PACRG: variants seen among roughly 807,000 people sequenced by gnomAD.
PACRG encodes parkin coregulated gene protein.
Under a neutral mutation model 29.7 loss-of-function variants are expected in PACRG, and 29 were observed. That is an observed-to-expected ratio of 0.98 (90% CI 0.73 to 1.33). The LOEUF (loss-of-function observed/expected upper bound fraction) is 1.33, where lower values mean the gene tolerates loss of function less well. PACRG is among the 40% of genes most tolerant of loss of function. The pLI is 0.00. For missense variants in PACRG, 279 were observed against 316.2 expected (o/e 0.88, Z 0.89); for synonymous variants, 116 against 118.7 (o/e 0.98, Z 0.15).
At chr6:162,977,234 A>T (rs1802032978) in intron 2 of PACRG, among the ~76,000 whole-genome samples, 1 of 152,122 alleles carries the variant, frequency 6.6e-6, no homozygotes, top group Non-Finnish European at 1.5e-5. Context: ...TAGCTCCTTT[A>T]TAATGACAAT....
chr6:162,817,853 T>A (rs569976838), intron 2 of PACRG, among the ~76,000 whole-genome samples: 2 of 152,214 alleles, frequency 1.3e-5, no homozygotes, highest in Non-Finnish European at 2.9e-5. Context: ...TTTGTCATGG[T>A]TTTCTATGCA....
At chr6:162,886,491 G>A (rs2128029801) in intron 2 of PACRG, among the ~76,000 whole-genome samples, 1 of 152,252 alleles carries the variant, frequency 6.6e-6, no homozygotes, top group East Asian at 1.9e-4. Context: ...GCGTCTCCTG[G>A]AAAGTTCAGA....
intron 2 of PACRG, among the ~76,000 whole-genome samples, chr6:162,940,748 G>T (rs1490459724): frequency 6.6e-6 from 1 of 152,090 alleles, no homozygotes; most frequent in South Asian, 2.1e-4. Context: ...GATTTTGTGG[G>T]CATTTTATCA....
chr6:162,886,426 A>G (rs929272456), intron 2 of PACRG, among the ~76,000 whole-genome samples: 1 of 152,078 alleles, frequency 6.6e-6, no homozygotes, highest in Non-Finnish European at 1.5e-5. Flanking sequence ...TTTCATTCTT[A>G]TGTATCCTGT....
At position 163,030,471 on chromosome 6, in the gene PACRG, G is replaced by A. The variant is rs184661151; in HGVS notation, c.292-31679G>A. 3.8e-3 allele frequency among the ~76,000 whole-genome samples: 573 copies of A among 152,186 alleles called. 2 individuals carry two copies. Among genetic ancestry groups the A allele is most frequent in the Middle Eastern group, 0.024 (7 of 294 alleles). On this transcript the variant is annotated intron_variant, in intron 2 of 4. Coordinates refer to ENST00000366888, the MANE Select transcript of PACRG (RefSeq NM_001080379.2). ...TATACCACAAAAATCAGCAGCTACC[G>A]CTCATCAGAGCTCCCCTTCCCAGAG...
chr6:163,139,163 C>T (rs988583370), intron 4 of PACRG, among the ~76,000 whole-genome samples: 1 of 152,240 alleles, frequency 6.6e-6, no homozygotes, highest in African/African-American at 2.4e-5. Flanking sequence ...TCCTGGCCTC[C>T]CCCAGCTTCC....
chr6:163,275,187 T>C (rs769660295), intron 4 of PACRG, among the ~76,000 whole-genome samples: 21 of 152,204 alleles, frequency 1.4e-4, no homozygotes, highest in Non-Finnish European at 2.2e-4. Flanking sequence ...ATTTTTCTAT[T>C]ATTTGATATA....
chr6:162,813,808 G>A (rs1738362685), intron 1 of PACRG, among the ~76,000 whole-genome samples: 1 of 152,042 alleles, frequency 6.6e-6, no homozygotes, highest in African/African-American at 2.4e-5. Context: ...AATTGTAAAA[G>A]TTTTAACATT....
intron 2 of PACRG, among the ~76,000 whole-genome samples, chr6:162,825,964 T>C (rs7748008): frequency 0.34 from 50,854 of 151,780 alleles, 11,235 homozygotes; most frequent in African/African-American, 0.6. Context: ...TTTATTTTTC[T>C]TCCCGTATTT....
chr6:162,913,300 A>G (rs192295574), intron 2 of PACRG, among the ~76,000 whole-genome samples: 1 of 152,316 alleles, frequency 6.6e-6, no homozygotes, highest in Admixed American at 6.5e-5. Context: ...AGGTAATCAT[A>G]CAACATGTAC....
At chr6:162,936,607 T>A in intron 2 of PACRG, among the ~76,000 whole-genome samples, 1 of 152,156 alleles carries the variant, frequency 6.6e-6, no homozygotes, top group East Asian at 1.9e-4. Context: ...ATCCAAAAGG[T>A]AAATGATCCC....
Position 163,135,614 on chromosome 6 carries a change from T to C in PACRG, c.613+46206T>C, listed in dbSNP as rs115165924. On this transcript the variant is annotated intron_variant, in intron 4 of 4. Coordinates refer to ENST00000366888, the MANE Select transcript of PACRG (RefSeq NM_001080379.2). ...TTATAAACAATGATTCGGGAAATCTTCTTCCGCATTTCTCTTAGTATATGT... is the reference window on the plus strand; with the variant it reads ...TTATAAACAATGATTCGGGAAATCTCCTTCCGCATTTCTCTTAGTATATGT... Among the ~76,000 whole-genome samples, 984 of 152,378 alleles carry C rather than the reference T, an allele frequency of 6.5e-3. 11 individuals are homozygous for C. The highest frequency in any genetic ancestry group is 0.023 in the African/African-American group (944 of 41,592).
At chr6:163,263,992 T>A (rs1399723260) in intron 4 of PACRG, among the ~76,000 whole-genome samples, 2 of 152,186 alleles carry the variant, frequency 1.3e-5, no homozygotes, top group Non-Finnish European at 2.9e-5. Context: ...AATGCAGCAA[T>A]CTGAATTAAT....
chr6:163,226,472 A>G (rs1260955006), intron 4 of PACRG, among the ~76,000 whole-genome samples: 4 of 152,202 alleles, frequency 2.6e-5, no homozygotes, highest in Non-Finnish European at 5.9e-5. Context: ...CTGTAAATGT[A>G]TATAGTTTTT....
chr6:163,083,831 A>C (rs1001900870), intron 3 of PACRG, among the ~76,000 whole-genome samples: 3 of 152,212 alleles, frequency 2.0e-5, no homozygotes, highest in Non-Finnish European at 2.9e-5. Flanking sequence ...TTAAAAGAAG[A>C]AGCAGAAATG....
chr6:163,163,271 T>C (rs1192272927), intron 4 of PACRG, among the ~76,000 whole-genome samples: 2 of 152,092 alleles, frequency 1.3e-5, no homozygotes, highest in African/African-American at 4.8e-5. Context: ...TTTTTTGTTG[T>C]TGTTGTTGTT....
At chr6:162,801,256 G>A (rs1414171845) in intron 1 of PACRG, among the ~76,000 whole-genome samples, 2 of 152,022 alleles carry the variant, frequency 1.3e-5, no homozygotes, top group Non-Finnish European at 1.5e-5. Flanking sequence ...TTACATGTGT[G>A]TACCACCATG....
intron 4 of PACRG, among the ~76,000 whole-genome samples, chr6:163,286,009 T>A (rs1363549561): frequency 6.6e-6 from 1 of 152,240 alleles, no homozygotes; most frequent in African/African-American, 2.4e-5. Context: ...AAATCACTTT[T>A]AAAAATTATT....
chr6:163,188,475 G>A (rs539008396), intron 4 of PACRG, among the ~76,000 whole-genome samples: 7 of 152,248 alleles, frequency 4.6e-5, no homozygotes, highest in African/African-American at 1.4e-4. Flanking sequence ...TGATGCCTTT[G>A]TGAGTCCACC....
Sources: allele counts gnomAD v4.1 joint callset (sites outside exome capture counted in the v4.1 genomes callset), GRCh38; gene constraint gnomAD v4.1.1; transcripts MANE v1.5; gene names NCBI Gene and HGNC (gene_info 2026-07-23, HGNC 2026-07-21).